Variants in ZNF75D observed in about 807,000 individuals in gnomAD.
ZNF75D encodes the protein zinc finger protein 75.
ZNF75D carries 33 observed loss-of-function variants against 33.3 expected under a neutral mutation model. The observed-to-expected ratio is 0.99, with a 90% CI of 0.75 to 1.32. The LOEUF (loss-of-function observed/expected upper bound fraction) is 1.32, where lower values mean the gene tolerates loss of function less well. Ranked by LOEUF, ZNF75D falls within the 40% of genes most tolerant of loss-of-function variation. The pLI is 0.00. For missense variants in ZNF75D, 338 were observed against 367.5 expected, an observed-to-expected ratio of 0.92 and a Z score of 0.66; for synonymous variants, 113 against 130.6, an observed-to-expected ratio of 0.87 and a Z score of 0.92.
intron 1 of ZNF75D, among the ~76,000 whole-genome samples, chrX:135,257,470 G>A (rs1208112099): frequency 2.6e-5 from 3 of 113,341 alleles, no homozygotes; most frequent in Non-Finnish European, 5.6e-5. Context: ...AAACTGTATC[G>A]TAGTTGGAGC....
At chrX:135,311,678 T>C (rs938203648) in intron 1 of ZNF75D, among the ~76,000 whole-genome samples, 2 of 111,963 alleles carry the variant, frequency 1.8e-5, no homozygotes, top group Admixed American at 9.5e-5. Context: ...AAATTTTGTA[T>C]TCTTTGACCA....
chrX:135,257,537 T>G (rs1181272081), intron 1 of ZNF75D, among the ~76,000 whole-genome samples: 3 of 113,388 alleles, frequency 2.6e-5, no homozygotes, highest in South Asian at 7.2e-4. Context: ...TATTTTACTC[T>G]AATCCCTGGC....
intron 1 of ZNF75D, among the ~76,000 whole-genome samples, chrX:135,258,304 T>C (rs2083818658): frequency 9.0e-6 from 1 of 110,528 alleles, no homozygotes; most frequent in Non-Finnish European, 1.9e-5. Flanking sequence ...CCTTTGGGTA[T>C]ATACCCAGTA....
At chrX:135,261,847 C>A (rs998362235) in intron 1 of ZNF75D, among the ~76,000 whole-genome samples, 18 of 111,289 alleles carry the variant, frequency 1.6e-4, no homozygotes, top group East Asian at 2.8e-4. Flanking sequence ...CTATGATGTT[C>A]GCTGGTTATT....
intron 1 of ZNF75D, among the ~76,000 whole-genome samples, chrX:135,272,143 T>G: frequency 9.2e-6 from 1 of 108,323 alleles, no homozygotes; most frequent in Non-Finnish European, 1.9e-5. Flanking sequence ...CCTCTTTCTC[T>G]TCTTACCAGC....
intron 4 of ZNF75D, 195 bp from the exon 5 acceptor site, chrX:135,291,758 C>T (rs2084044306): frequency 6.2e-6 from 1 of 161,661 alleles, no homozygotes; most frequent in Admixed American, 9.4e-5. Context: ...ACCAGTTCCC[C>T]AGTTCATGAA....
At chrX:135,283,417 T>C (rs1556418870), downstream of ZNF75D, among the ~76,000 whole-genome samples, 1 of 111,999 alleles carries the variant, frequency 8.9e-6, no homozygotes, top group Non-Finnish European at 1.9e-5. Flanking sequence ...CTCCTTTAAA[T>C]GAGGAACAGC....
At chrX:135,266,368 T>C (rs1252323538) in intron 1 of ZNF75D, among the ~76,000 whole-genome samples, 1 of 111,925 alleles carries the variant, frequency 8.9e-6, no homozygotes, top group Non-Finnish European at 1.9e-5. Context: ...CAATCATCTG[T>C]TGCCTGCAAG....
Position 135,291,722 on chromosome X carries a change from A to G in ZNF75D, c.605-159T>C, listed in dbSNP as rs147199852. 1.4e-3 allele frequency: 920 copies of G among 663,418 alleles called. 10 individuals are homozygous for G. In the East Asian group the frequency reaches 0.031, roughly 22 times the overall value. The allele number at this position is 663,418 out of a possible 1,213,427, so 54.7% of individuals were successfully genotyped here. A position where few individuals can be genotyped will look rare whatever the true frequency, so the allele number is the denominator to read the frequency against. On this transcript the variant is annotated intron_variant, in intron 4 of 6. Coordinates refer to ENST00000370766, the MANE Select transcript of ZNF75D (RefSeq NM_007131.5). ...AGAAGTGGCCATCTCATTGTAAATA[A>G]GAACCAAATATCTACCACTCATACA...
chrX:135,290,885 T>A (rs2084028531), intron 6 of ZNF75D, 124 bp downstream of exon 6: 6 of 653,586 alleles, frequency 9.2e-6, no homozygotes, highest in Admixed American at 3.4e-5. Context: ...TTCCCATACA[T>A]CATCAAGTTG....
downstream of ZNF75D, among the ~76,000 whole-genome samples, chrX:135,282,367 A>T (rs1028106004): frequency 2.7e-5 from 3 of 111,552 alleles, no homozygotes; most frequent in East Asian, 5.7e-4. Flanking sequence ...TACCAGGTCG[A>T]CTTCAGACTG....
intron 1 of ZNF75D, among the ~76,000 whole-genome samples, chrX:135,336,428 T>C (rs1255872438): frequency 3.5e-5 from 4 of 112,896 alleles, no homozygotes; most frequent in Non-Finnish European, 7.5e-5. Context: ...GAATGAAATA[T>C]CTAACCATAT....
intron 3 of ZNF75D, among the ~76,000 whole-genome samples, chrX:135,293,381 T>C (rs2084075330): frequency 1.8e-5 from 2 of 111,735 alleles, no homozygotes; most frequent in South Asian, 7.6e-4. Flanking sequence ...GCTGCCCATC[T>C]TGTGGATCTT....
chrX:135,282,944 C>A (rs782118475), downstream of ZNF75D, among the ~76,000 whole-genome samples: 3 of 112,074 alleles, frequency 2.7e-5, no homozygotes, highest in African/African-American at 9.7e-5. Flanking sequence ...GCCATCTTAC[C>A]AGCCACCAAA....
intron 1 of ZNF75D, among the ~76,000 whole-genome samples, chrX:135,271,327 G>A (rs1351709160): frequency 1.8e-5 from 2 of 112,155 alleles, no homozygotes; most frequent in Non-Finnish European, 3.8e-5. Flanking sequence ...GACTAATATG[G>A]ATGAAGGCAA....
chrX:135,295,149 A>G (rs2084106929), intron 2 of ZNF75D, among the ~76,000 whole-genome samples: 1 of 111,772 alleles, frequency 8.9e-6, no homozygotes, highest in African/African-American at 3.3e-5. Context: ...CCCTGAGGTG[A>G]TCCAGCAGAA....
At chrX:135,258,919 C>A (rs189644424) in intron 1 of ZNF75D, among the ~76,000 whole-genome samples, 1 of 111,971 alleles carries the variant, frequency 8.9e-6, no homozygotes, top group Non-Finnish European at 1.9e-5. Context: ...AGGGTTTTTA[C>A]GGTTTTAGGT....
At chrX:135,301,876 G>C (rs782387017) in intron 1 of ZNF75D, among the ~76,000 whole-genome samples, 1 of 112,555 alleles carries the variant, frequency 8.9e-6, no homozygotes, top group South Asian at 3.7e-4. Flanking sequence ...TGCCCTAGCA[G>C]AGGTTCTCCA....
intron 1 of ZNF75D, among the ~76,000 whole-genome samples, chrX:135,258,044 T>C (rs2083815436): frequency 9.2e-6 from 1 of 108,901 alleles, no homozygotes; most frequent in East Asian, 2.8e-4. Flanking sequence ...TTACCACCTA[T>C]GAGTGAGAAC....
Sources: gnomAD v4.1 joint callset for allele counts (sites outside exome capture counted in the v4.1 genomes callset) on GRCh38, gnomAD v4.1.1 for gene constraint, MANE v1.5 for transcripts, NCBI Gene and HGNC (gene_info 2026-07-23, HGNC 2026-07-21) for gene names.